The following SHISA9 variants were observed in gnomAD, a reference collection of about 807,000 sequenced individuals.
SHISA9 encodes protein shisa-9.
A neutral mutation model predicts 38.0 loss-of-function variants in SHISA9; 13 were observed. That is an observed-to-expected ratio of 0.34 (90% CI 0.22 to 0.54). The LOEUF (loss-of-function observed/expected upper bound fraction) is 0.54. Among genes scored for constraint, SHISA9 ranks in the 20% least tolerant of loss-of-function variants. SHISA9 has a pLI of 0.91. For missense variants in SHISA9, 538 were observed against 575.8 expected, an observed-to-expected ratio of 0.93 and a Z score of 0.67; for synonymous variants, 275 against 242.0, an observed-to-expected ratio of 1.14 and a Z score of -1.27.
intron 2 of SHISA9, among the ~76,000 whole-genome samples, chr16:13,146,115 G>T (rs894334096): frequency 2.0e-5 from 3 of 152,206 alleles, no homozygotes; most frequent in Non-Finnish European, 2.9e-5. Flanking sequence ...CCTTGAACCC[G>T]GGAGGGGAAG....
chr16:13,144,443 G>A (rs2050429587), intron 2 of SHISA9, among the ~76,000 whole-genome samples: 1 of 152,062 alleles, frequency 6.6e-6, no homozygotes, highest in African/African-American at 2.4e-5. Context: ...GAGCCACCGT[G>A]CCTGGCTGGG....
chr16:13,458,479 C>T, the SHISA9 span: 5 of 389,086 alleles, frequency 1.3e-5, no homozygotes, highest in Non-Finnish European at 2.0e-5. Flanking sequence ...TACTCATTTA[C>T]AGCTAGAAAT....
the SHISA9 span, among the ~76,000 whole-genome samples, chr16:13,513,561 C>A: frequency 1.3e-5 from 2 of 152,124 alleles, no homozygotes; most frequent in South Asian, 2.1e-4. Context: ...GCAGTACTTA[C>A]AATAGCAAAG....
intron 2 of SHISA9, among the ~76,000 whole-genome samples, chr16:13,152,552 A>G (rs75390081): frequency 0.027 from 4,138 of 152,302 alleles, 111 homozygotes; most frequent in African/African-American, 0.069. Flanking sequence ...ATATCCTGTC[A>G]CTGAAATGAT....
rs1445113045 is a variant in SHISA9 at position 13,239,334 on chromosome 16, T to G, written c.*3925T>G. 1 of 151,362 alleles carries G rather than the reference T, an allele frequency of 6.6e-6. No homozygotes were observed. Among genetic ancestry groups the G allele is most frequent in the Non-Finnish European group, 1.5e-5 (1 of 67,852 alleles). 9.4% of individuals were successfully genotyped at this position (151,362 alleles called of 1,614,324 possible). A position where few individuals can be genotyped will look rare whatever the true frequency, so the allele number is the denominator to read the frequency against. ...GTCTTTATAGCAGCATGATTTATAG[T>G]CCTTTGGGTATATACCCAGTAATGG... On this transcript the variant is annotated 3_prime_UTR_variant, in exon 5 of 5. Transcript: ENST00000558583.
the SHISA9 span, among the ~76,000 whole-genome samples, chr16:13,549,937 C>A: frequency 0.081 from 12,254 of 151,514 alleles, 640 homozygotes; most frequent in Admixed American, 0.16. Context: ...GCAGGAGAAT[C>A]GCTTGAACCC....
In SHISA9 at chr16:13,078,930, G is replaced by T. The variant is rs1474810304; in HGVS notation, c.692-124464G>T. On this transcript the variant is annotated intron_variant, in intron 2 of 4. Transcript: ENST00000558583. ...CCGGGAGCGTAAAAGGGGAGGGCAT[G>T]TCTGATGTTCTCTAGAAGAAGCATA... Among the ~76,000 whole-genome samples, 3 of 152,216 alleles carry T rather than the reference G, an allele frequency of 2.0e-5. No homozygotes were observed. In the East Asian group the frequency reaches 5.8e-4, roughly 29 times the overall value.
At chr16:13,031,113 G>A (rs191601088) in intron 2 of SHISA9, among the ~76,000 whole-genome samples, 3 of 152,264 alleles carry the variant, frequency 2.0e-5, no homozygotes, top group East Asian at 1.9e-4. Flanking sequence ...CAGGTCCCGC[G>A]GGGCACTGTG....
At chr16:13,542,313 G>T in the SHISA9 span, among the ~76,000 whole-genome samples, 1 of 152,198 alleles carries the variant, frequency 6.6e-6, no homozygotes, top group African/African-American at 2.4e-5. Context: ...GCTATAACAT[G>T]AGATGATTGC....
chr16:13,228,105 C>G (rs966834026), intron 4 of SHISA9, among the ~76,000 whole-genome samples: 3 of 152,184 alleles, frequency 2.0e-5, no homozygotes, highest in Admixed American at 6.5e-5. Context: ...CCATTTCACA[C>G]CTAAGGAAAC....
intron 2 of SHISA9, among the ~76,000 whole-genome samples, chr16:12,944,016 T>C (rs2071657357): frequency 1.3e-5 from 2 of 152,310 alleles, no homozygotes; most frequent in South Asian, 2.1e-4. Context: ...GCTGGTGCAT[T>C]GCAAGATGTT....
intron 2 of SHISA9, among the ~76,000 whole-genome samples, chr16:12,947,936 G>A (rs1050033815): frequency 6.6e-6 from 1 of 152,140 alleles, no homozygotes; most frequent in Non-Finnish European, 1.5e-5. Flanking sequence ...GAATCGACAG[G>A]GTTTAGAAGA....
chr16:13,307,104 G>A, the SHISA9 span, among the ~76,000 whole-genome samples: 1 of 152,158 alleles, frequency 6.6e-6, no homozygotes, highest in African/African-American at 2.4e-5. Flanking sequence ...TTGAATACCA[G>A]ATCCATCTCT....
chr16:12,919,513 T>C (rs1248646711), intron 2 of SHISA9, among the ~76,000 whole-genome samples: 1 of 152,234 alleles, frequency 6.6e-6, no homozygotes, highest in Non-Finnish European at 1.5e-5. Context: ...TCCATCTATT[T>C]CTCTCTTCTT....
intron 1 of SHISA9, chr16:12,910,565 T>A: frequency 4.1e-6 from 4 of 985,448 alleles, no homozygotes; most frequent in Non-Finnish European, 4.8e-6. Context: ...TTCAGTACTC[T>A]CTTGTGAAAT....
chr16:13,028,465 C>T (rs2072952002), intron 2 of SHISA9, among the ~76,000 whole-genome samples: 1 of 152,108 alleles, frequency 6.6e-6, no homozygotes, highest in Non-Finnish European at 1.5e-5. Context: ...ACACGTCTTA[C>T]ATGGTGGCAG....
chr16:13,551,491 C>A, the SHISA9 span, among the ~76,000 whole-genome samples: 25,014 of 152,166 alleles, frequency 0.16, 2,267 homozygotes, highest in South Asian at 0.24. Flanking sequence ...TACATATGGG[C>A]TTGCATGTAA....
chr16:13,150,204 G>A (rs2142003866), intron 2 of SHISA9, among the ~76,000 whole-genome samples: 1 of 151,994 alleles, frequency 6.6e-6, no homozygotes, highest in African/African-American at 2.4e-5. Context: ...TAAATCTACT[G>A]CGTTTGTTCC....
the SHISA9 span, among the ~76,000 whole-genome samples, chr16:13,456,355 G>A: frequency 9.2e-5 from 14 of 152,206 alleles, no homozygotes; most frequent in South Asian, 2.9e-3. Flanking sequence ...CCCCATTATT[G>A]CTGACACCTG....
Sources: allele counts gnomAD v4.1 joint callset (sites outside exome capture counted in the v4.1 genomes callset), GRCh38; gene constraint gnomAD v4.1.1; transcripts MANE v1.5; gene names NCBI Gene and HGNC (gene_info 2026-07-23, HGNC 2026-07-21).